Variants in ARHGAP28 observed in about 807,000 individuals in gnomAD.
ARHGAP28 encodes the protein rho GTPase-activating protein 28.
Under a neutral mutation model 90.7 loss-of-function variants are expected in ARHGAP28, and 56 were observed. That is an observed-to-expected ratio of 0.62 (90% CI 0.50 to 0.77). ARHGAP28 has a LOEUF of 0.77. Ranked by LOEUF, ARHGAP28 falls within the 30% of genes least tolerant of loss-of-function variation. The pLI is 0.00. For missense variants in ARHGAP28, 869 were observed against 900.9 expected (o/e 0.96, Z 0.45); for synonymous variants, 308 against 323.3 (o/e 0.95, Z 0.51).
rs2056536543 is a variant in ARHGAP28, at chr18:6,808,782, C to A, written c.123-15980C>A. ...ATATATATATTTTTAGTATACACACCAGTGTACATACATTTTCCTAGCTCT... is the reference window on the plus strand; with the variant it reads ...ATATATATATTTTTAGTATACACACAAGTGTACATACATTTTCCTAGCTCT... On this transcript the variant is annotated intron_variant, in intron 1 of 17. Coordinates refer to ENST00000383472, the MANE Select transcript of ARHGAP28 (RefSeq NM_001366230.1). 2.6e-5 allele frequency among the ~76,000 whole-genome samples: 4 copies of A among 152,222 alleles called. No homozygotes were observed. The South Asian group carries it at 8.3e-4, about 32-fold the overall frequency.
rs899782868 is a variant in ARHGAP28, at chr18:6,914,680, TGCTATCCTTAAGA to T, written c.*2530_*2542del. 1 of 152,204 alleles carries T rather than the reference TGCTATCCTTAAGA, an allele frequency of 6.6e-6. No homozygotes were observed. The highest frequency in any genetic ancestry group is 6.5e-5 in the Admixed American group (1 of 15,274). 9.4% of individuals were successfully genotyped at this position (152,204 alleles called of 1,614,324 possible). On this transcript the variant is annotated 3_prime_UTR_variant, in exon 18 of 18. Transcript: ENST00000383472. ...GAAGGGCAGATACTGGGCTTCTACATGCTATCCTTAAGAGCTTCTCCCCCTCACCCATTCCTAG... is the reference window on the plus strand; with the variant it reads ...GAAGGGCAGATACTGGGCTTCTACATGCTTCTCCCCCTCACCCATTCCTAG...
chr18:6,749,391 A>G (rs915228541), intron 1 of ARHGAP28, among the ~76,000 whole-genome samples: 2 of 152,192 alleles, frequency 1.3e-5, no homozygotes, highest in African/African-American at 2.4e-5. Context: ...CCAGGGTTTT[A>G]TAGTCTGCTT....
At chr18:6,862,226 A>G (rs930702451) in intron 5 of ARHGAP28, among the ~76,000 whole-genome samples, 1 of 152,160 alleles carries the variant, frequency 6.6e-6, no homozygotes, top group African/African-American at 2.4e-5. Context: ...TTGATTTCCC[A>G]GTCTCTTCTA....
At chr18:6,820,777 C>T (rs1363500191) in intron 1 of ARHGAP28, among the ~76,000 whole-genome samples, 1 of 152,064 alleles carries the variant, frequency 6.6e-6, no homozygotes, top group African/African-American at 2.4e-5. Context: ...GAGTTCTATG[C>T]CCAGTAAAAA....
rs77364980 is a variant in ARHGAP28, at chr18:6,741,488, G to A, written c.122+11545G>A. On this transcript the variant is annotated intron_variant, in intron 1 of 17. Coordinates refer to ENST00000383472, the MANE Select transcript of ARHGAP28 (RefSeq NM_001366230.1). ...TCTAAAGCTGTGTCATCCTTCATGA[G>A]GCAATGATCCCACACCAGCTAAAAT... Among the ~76,000 whole-genome samples the A allele has an allele frequency of 7.8e-3, 1,189 of 152,262 alleles. 51 individuals are homozygous for A. In the East Asian group the frequency reaches 0.11, roughly 14 times the overall value.
chr18:6,732,318 C>T (rs1205181541), intron 1 of ARHGAP28, among the ~76,000 whole-genome samples: 3 of 152,176 alleles, frequency 2.0e-5, no homozygotes, highest in Non-Finnish European at 4.4e-5. Flanking sequence ...GTTTGCACCT[C>T]CATGGCCAGC....
chr18:6,850,383 G>A (rs1326206357), intron 3 of ARHGAP28, among the ~76,000 whole-genome samples: 2 of 152,150 alleles, frequency 1.3e-5, no homozygotes, highest in East Asian at 1.9e-4. Flanking sequence ...CTTTAAAATA[G>A]CATGGTTTTG....
At chr18:6,816,236 T>C (rs562484719) in intron 1 of ARHGAP28, among the ~76,000 whole-genome samples, 2 of 152,348 alleles carry the variant, frequency 1.3e-5, no homozygotes, top group Non-Finnish European at 2.9e-5. Flanking sequence ...CTATGGCTTC[T>C]TTTTATCATT....
At chr18:6,827,866 A>ATGGGCGGCC (rs2056684137) in intron 2 of ARHGAP28, among the ~76,000 whole-genome samples, 1 of 142,736 alleles carries the variant, frequency 7.0e-6, no homozygotes, top group Admixed American at 6.9e-5. Context: ...ATCTCAGACG[A>ATGGGCGGCC]TGGGCGGCCG....
At chr18:6,837,050 C>G in intron 2 of ARHGAP28, 147 bp from the exon 3 acceptor site, 1 of 651,058 alleles carries the variant, frequency 1.5e-6, no homozygotes, top group Non-Finnish European at 2.6e-6. Context: ...ACAGTGCAGA[C>G]TTTCATTCAT....
intron 11 of ARHGAP28, among the ~76,000 whole-genome samples, chr18:6,886,751 C>A (rs916769469): frequency 1.3e-5 from 2 of 152,180 alleles, no homozygotes; most frequent in Non-Finnish European, 2.9e-5. Context: ...GGTTTGAAAC[C>A]TGGTTCTAAA....
intron 1 of ARHGAP28, among the ~76,000 whole-genome samples, chr18:6,788,201 C>T (rs891824452): frequency 1.1e-4 from 16 of 151,892 alleles, no homozygotes; most frequent in African/African-American, 2.4e-4. Context: ...AGTGAGTTCT[C>T]GGGAGATCTG....
chr18:6,910,886 C>T (rs964746620), intron 17 of ARHGAP28, among the ~76,000 whole-genome samples: 2 of 135,618 alleles, frequency 1.5e-5, no homozygotes, highest in East Asian at 2.3e-4. Context: ...GCTCTGTCGC[C>T]CAGGCTGGAG....
chr18:6,889,613 G>C (rs2057248350), intron 12 of ARHGAP28, among the ~76,000 whole-genome samples: 3 of 151,988 alleles, frequency 2.0e-5, no homozygotes, highest in Non-Finnish European at 4.4e-5. Flanking sequence ...ACTCTTTTAG[G>C]ATAAAAGAAA....
At chr18:6,857,209 A>G (rs2056960544) in intron 4 of ARHGAP28, among the ~76,000 whole-genome samples, 1 of 152,166 alleles carries the variant, frequency 6.6e-6, no homozygotes, top group Non-Finnish European at 1.5e-5. Context: ...GTAAATCTAA[A>G]ATAACTAAAT....
chr18:6,786,552 C>A (rs890892313), intron 1 of ARHGAP28, among the ~76,000 whole-genome samples: 3 of 152,138 alleles, frequency 2.0e-5, no homozygotes, highest in African/African-American at 7.2e-5. Context: ...ACCACACGCC[C>A]CCCAGCATGC....
chr18:6,819,537 C>T (rs760540226), intron 1 of ARHGAP28, among the ~76,000 whole-genome samples: 49 of 152,044 alleles, frequency 3.2e-4, no homozygotes, highest in African/African-American at 5.8e-4. Context: ...GGGACTCTAC[C>T]GGGATGAGGA....
chr18:6,809,978 T>C (rs1162526930), intron 1 of ARHGAP28, among the ~76,000 whole-genome samples: 2 of 152,178 alleles, frequency 1.3e-5, no homozygotes, highest in Non-Finnish European at 2.9e-5. Flanking sequence ...CAGAAATAAA[T>C]TTTTAGTCTT....
intron 3 of ARHGAP28, among the ~76,000 whole-genome samples, chr18:6,844,295 G>A (rs977635383): frequency 1.3e-5 from 2 of 152,212 alleles, no homozygotes; most frequent in African/African-American, 4.8e-5. Context: ...TGTAGGTGGT[G>A]TTATTCCCTA....
Sources: allele counts gnomAD v4.1 joint callset (sites outside exome capture counted in the v4.1 genomes callset), GRCh38; gene constraint gnomAD v4.1.1; transcripts MANE v1.5; gene names NCBI Gene and HGNC (gene_info 2026-07-23, HGNC 2026-07-21).